PLSCR5: variants seen among roughly 807,000 people sequenced by gnomAD.
The protein encoded by PLSCR5 is phospholipid scramblase family member 5, also known as phospholipid scramblase family, member 5.
In PLSCR5, 44 loss-of-function variants were observed where a neutral mutation model predicts 33.6. That is an observed-to-expected ratio of 1.31 (90% CI 1.03 to 1.69). The LOEUF is 1.69. PLSCR5 is among the 40% of genes most tolerant of loss of function. PLSCR5 has a pLI of 0.00. For missense variants in PLSCR5, 375 were observed against 318.7 expected (o/e 1.18, Z -1.34); for synonymous variants, 148 against 112.3 (o/e 1.32, Z -2.01).
intron 1 of PLSCR5, among the ~76,000 whole-genome samples, chr3:146,600,909 T>C (rs2044808418): frequency 6.7e-6 from 1 of 148,370 alleles, no homozygotes; most frequent in South Asian, 2.1e-4. Flanking sequence ...GGTATATACA[T>C]ACAAATCGAT....
Position 146,589,722 on chromosome 3 carries a change from G to T in PLSCR5, c.708C>A (p.Phe236Leu). The change falls in exon 6 of 8, where the codon TTC becomes TTA. Residue 236 changes from phenylalanine (F) to leucine (L), a missense_variant. By Grantham distance (22) the Phe-to-Leu change is conservative. Transcript: ENST00000443512. ...VNDVFTNADN[F>L]GIHVPADLDV... ...CTAGATCTGCAGGAACATGAATTCC[G>T]AAATTGTCAGCATTTGTGAAGACAT... 1.9e-6 allele frequency: 3 copies of T among 1,602,318 alleles called. No individual in the cohort carries two copies. The highest frequency in any genetic ancestry group is 2.6e-6 in the Non-Finnish European group (3 of 1,171,048).
chr3:146,587,759 T>C (rs1012683971), intron 6 of PLSCR5, among the ~76,000 whole-genome samples: 1 of 152,118 alleles, frequency 6.6e-6, no homozygotes, highest in Non-Finnish European at 1.5e-5. Context: ...TAGCACTCTA[T>C]AGATATTACT....
downstream of PLSCR5, among the ~76,000 whole-genome samples, chr3:146,581,340 G>A (rs1443775819): frequency 6.6e-6 from 1 of 152,156 alleles, no homozygotes; most frequent in Non-Finnish European, 1.5e-5. Flanking sequence ...GGTTATCTAT[G>A]GTAACCTTAA....
intron 7 of PLSCR5, among the ~76,000 whole-genome samples, chr3:146,577,141 T>C (rs1279728849): frequency 6.6e-6 from 1 of 152,128 alleles, no homozygotes; most frequent in African/African-American, 2.4e-5. Context: ...TACGATAAGT[T>C]GATTTTTCTA....
downstream of PLSCR5, among the ~76,000 whole-genome samples, chr3:146,582,978 AC>A (rs2044641908): frequency 6.6e-6 from 1 of 151,750 alleles, no homozygotes; most frequent in African/African-American, 2.4e-5. Flanking sequence ...GTGCATGAAG[AC>A]CATTTTCCAC....
At chr3:146,588,172 T>TA (rs1486893112) in intron 6 of PLSCR5, among the ~76,000 whole-genome samples, 1 of 152,026 alleles carries the variant, frequency 6.6e-6, no homozygotes, top group Non-Finnish European at 1.5e-5. Flanking sequence ...CTTATGCACT[T>TA]AAAAAATGCC....
chr3:146,594,983 G>C, intron 3 of PLSCR5, 58 bp downstream of exon 3: 1 of 1,144,214 alleles, frequency 8.7e-7, no homozygotes, highest in South Asian at 2.6e-5. Context: ...AGAAACTTCT[G>C]AAAACTAAAA....
At chr3:146,605,049 C>A (rs1432791010) in intron 1 of PLSCR5, 151 bp downstream of exon 1, 3 of 741,778 alleles carry the variant, frequency 4.0e-6, no homozygotes, top group South Asian at 3.0e-5. Context: ...TCAACATGCT[C>A]CTGGGAGTTA....
At chr3:146,595,501 C>T (rs1196322816) in intron 2 of PLSCR5, among the ~76,000 whole-genome samples, 1 of 152,004 alleles carries the variant, frequency 6.6e-6, no homozygotes, top group Non-Finnish European at 1.5e-5. Context: ...CCCAGCTACA[C>T]AGGAGAGAGG....
At chr3:146,576,916 A>G (rs1026420722) in intron 7 of PLSCR5, among the ~76,000 whole-genome samples, 5 of 152,062 alleles carry the variant, frequency 3.3e-5, no homozygotes, top group African/African-American at 1.2e-4. Flanking sequence ...ATTAAAAATA[A>G]AAGTTATACT....
intron 6 of PLSCR5, among the ~76,000 whole-genome samples, chr3:146,588,364 G>C (rs2044682036): frequency 6.6e-6 from 1 of 151,998 alleles, no homozygotes; most frequent in Non-Finnish European, 1.5e-5. Flanking sequence ...CCAGCTACTC[G>C]GGAGGCTGAG....
Position 146,600,407 on chromosome 3 carries a change from C to G in PLSCR5, c.70G>C (p.Asp24His), listed in dbSNP as rs766386587. Residue 24 changes from aspartate (D) to histidine (H), a missense_variant, in exon 2 of 8, where the codon GAC (aspartate) becomes CAC (histidine). By Grantham distance (81) the Asp-to-His change is moderately conservative. Coordinates refer to ENST00000443512, the MANE Select transcript of PLSCR5 (RefSeq NM_001085420.2). ...TTGGAAGAGGCAGGAAGGCTTTGGT[C>G]TGGGTCTGGAGCTCCAGGAAGAAAA... Reference protein sequence around the residue: ...PGFLPGAPDPDQSLPASSNPG... With the variant: ...PGFLPGAPDPHQSLPASSNPG... The G allele has an allele frequency of 6.2e-7, 1 of 1,607,494 alleles. No individual in the cohort carries two copies. Among genetic ancestry groups the G allele is most frequent in the South Asian group, 1.1e-5 (1 of 90,146 alleles).
intron 2 of PLSCR5, among the ~76,000 whole-genome samples, chr3:146,595,442 C>T (rs1228019279): frequency 6.6e-6 from 1 of 151,998 alleles, no homozygotes; most frequent in Admixed American, 6.6e-5. Context: ...AAATGGCAAA[C>T]CCCTGTCTTT....
At chr3:146,593,257 T>C (rs981403324) in intron 4 of PLSCR5, among the ~76,000 whole-genome samples, 1 of 152,180 alleles carries the variant, frequency 6.6e-6, no homozygotes, top group African/African-American at 2.4e-5. Flanking sequence ...CTCCTAGAGA[T>C]TTCATGATTC....
intron 4 of PLSCR5, 68 bp downstream of exon 4, chr3:146,593,852 G>T (rs750781773): frequency 4.1e-6 from 6 of 1,447,566 alleles, no homozygotes; most frequent in Non-Finnish European, 5.8e-6. Flanking sequence ...TGCTCCAGAT[G>T]AATTCCTTTT....
Position 146,585,954 on chromosome 3 carries a change from T to G in PLSCR5, c.*45-12A>C. On this transcript the variant is annotated splice_polypyrimidine_tract_variant and intron_variant, in intron 7 of 7. Coordinates refer to ENST00000443512, the MANE Select transcript of PLSCR5 (RefSeq NM_001085420.2). Reference sequence around the variant, plus strand: ...AGCCCAAGGGATTTCTAGAAGAAAATGAAAAAGAGTTAGATAGCGTCAAAT... The same window carrying G: ...AGCCCAAGGGATTTCTAGAAGAAAAGGAAAAAGAGTTAGATAGCGTCAAAT... 1 of 1,089,642 alleles carries G rather than the reference T, an allele frequency of 9.2e-7. No individual in the cohort carries two copies. 67.5% of individuals were successfully genotyped at this position (1,089,642 alleles called of 1,614,324 possible).
downstream of PLSCR5, among the ~76,000 whole-genome samples, chr3:146,583,172 C>T (rs1354866788): frequency 6.6e-6 from 1 of 152,164 alleles, no homozygotes; most frequent in Non-Finnish European, 1.5e-5. Flanking sequence ...AGCATCTTGT[C>T]CCTCTCCATT....
In PLSCR5 at chr3:146,588,470, C is replaced by T. The variant is rs149860342; in HGVS notation, c.777+1183G>A. Among the ~76,000 whole-genome samples the T allele has an allele frequency of 3.9e-5, 6 of 151,982 alleles. No homozygotes were observed. In the East Asian group the frequency reaches 1.2e-3, roughly 29 times the overall value. ...TGGGTGACAGAGTGAGACTCTATCT[C>T]AAAAAATAGAACAAAAAATAAAACA... On this transcript the variant is annotated intron_variant, in intron 6 of 7. Transcript: ENST00000443512.
At chr3:146,582,619 T>C (rs2044640061), downstream of PLSCR5, among the ~76,000 whole-genome samples, 1 of 152,164 alleles carries the variant, frequency 6.6e-6, no homozygotes, top group Admixed American at 6.5e-5. Flanking sequence ...CTTGATTTTC[T>C]CAGCTGTGAG....
Sources: allele counts gnomAD v4.1 joint callset (sites outside exome capture counted in the v4.1 genomes callset), GRCh38; gene constraint gnomAD v4.1.1; transcripts MANE v1.5; gene names NCBI Gene and HGNC (gene_info 2026-07-23, HGNC 2026-07-21).